Variants in MYO1E observed in about 807,000 individuals in gnomAD.
MYO1E encodes unconventional myosin-Ie.
Under a neutral mutation model 151.1 loss-of-function variants are expected in MYO1E, and 68 were observed. The observed-to-expected ratio is 0.45, with a 90% CI of 0.37 to 0.55. The LOEUF is 0.55. Among genes scored for constraint, MYO1E ranks in the 20% least tolerant of loss-of-function variants. The pLI is 0.00. For missense variants in MYO1E, 1,363 were observed against 1,389.3 expected (o/e 0.98, Z 0.30); for synonymous variants, 601 against 501.7 (o/e 1.20, Z -2.64).
chr15:59,151,049 A>G (rs12911820), intron 26 of MYO1E, among the ~76,000 whole-genome samples: 59,511 of 129,452 alleles, frequency 0.46, 11,847 homozygotes, highest in Admixed American at 0.53. Flanking sequence ...ACACACACAC[A>G]CGCGCGCGCG....
chr15:59,152,276 C>T (rs554265137), intron 26 of MYO1E, among the ~76,000 whole-genome samples: 1 of 152,248 alleles, frequency 6.6e-6, no homozygotes, highest in Admixed American at 6.5e-5. Flanking sequence ...GATGGCTGCC[C>T]CCTCAGAGGA....
chr15:59,306,238 T>C (rs1555418671), intron 1 of MYO1E, among the ~76,000 whole-genome samples: 1 of 152,262 alleles, frequency 6.6e-6, no homozygotes, highest in South Asian at 2.1e-4. Context: ...TTGTAGATTA[T>C]TACATGTACA....
At chr15:59,355,684 C>T (rs2080849040) in intron 1 of MYO1E, among the ~76,000 whole-genome samples, 1 of 150,994 alleles carries the variant, frequency 6.6e-6, no homozygotes, top group Non-Finnish European at 1.5e-5. Context: ...CATGGCAATT[C>T]TTTCGATTCC....
At chr15:59,234,283 CGGAT>C (rs1461046657) in intron 5 of MYO1E, among the ~76,000 whole-genome samples, 1 of 146,280 alleles carries the variant, frequency 6.8e-6, no homozygotes, top group Non-Finnish European at 1.5e-5. Flanking sequence ...GATGGATGCA[CGGAT>C]GGATGGATGG....
chr15:59,231,803 A>G lies in MYO1E; in HGVS notation c.421-12T>C. 6.2e-7 allele frequency: 1 copy of G among 1,613,940 alleles called. No homozygotes were observed. Among genetic ancestry groups the G allele is most frequent in the East Asian group, 2.2e-5 (1 of 44,880 alleles). On this transcript the variant is annotated splice_polypyrimidine_tract_variant and intron_variant, in intron 5 of 27. Transcript: ENST00000288235. ...ATGTCCTTCACGTGCTGTCCCAGCA[A>G]ATAGACCGGAGGTTAGGAAGGTGTG...
chr15:59,333,481 G>C, intron 1 of MYO1E, among the ~76,000 whole-genome samples: 1 of 152,262 alleles, frequency 6.6e-6, no homozygotes, highest in Admixed American at 6.5e-5. Context: ...GGGCTCAAGC[G>C]ATCCTCCTGT....
At chr15:59,212,757 C>T (rs2079887120) in intron 12 of MYO1E, 1 of 152,146 alleles carries the variant, frequency 6.6e-6, no homozygotes, top group South Asian at 2.1e-4. Context: ...AGATGAACAG[C>T]CCTGGCTAAA....
intron 1 of MYO1E, among the ~76,000 whole-genome samples, chr15:59,274,672 A>G (rs2080307829): frequency 6.6e-6 from 1 of 152,196 alleles, no homozygotes; most frequent in South Asian, 2.1e-4. Context: ...GTTTGTATTG[A>G]TCCGAAGAAA....
intron 1 of MYO1E, among the ~76,000 whole-genome samples, chr15:59,335,887 G>A (rs138585882): frequency 1.1e-4 from 17 of 152,028 alleles, no homozygotes; most frequent in Non-Finnish European, 2.4e-4. Flanking sequence ...GACTATAAGC[G>A]GTGCTGTCTG....
At position 59,136,782 on chromosome 15, in the gene MYO1E, T is replaced by A; in HGVS notation, c.*598A>T. ...CCCCAGCCCCCAGCCCCTGACCTGC[T>A]TGGCGGCCCTGATGGTCCCGGCAAA... On this transcript the variant is annotated 3_prime_UTR_variant, in exon 28 of 28. Transcript: ENST00000288235. 1 of 455,402 alleles carries A rather than the reference T, an allele frequency of 2.2e-6. No individual in the cohort carries two copies. The highest frequency in any genetic ancestry group is 1.5e-5 in the South Asian group (1 of 64,538). 28.2% of individuals were successfully genotyped at this position (455,402 alleles called of 1,614,324 possible). A position where few individuals can be genotyped will look rare whatever the true frequency, so the allele number is the denominator to read the frequency against.
intron 24 of MYO1E, among the ~76,000 whole-genome samples, chr15:59,160,708 C>T (rs996825025): frequency 6.6e-6 from 1 of 151,968 alleles, no homozygotes; most frequent in Non-Finnish European, 1.5e-5. Context: ...TGTGAGCCAC[C>T]ACGCCGGGCC....
Position 59,153,637 on chromosome 15 carries a change from C to T in MYO1E, c.3033G>A (p.Thr1011=), listed in dbSNP as rs768276081. The part of the protein sequence containing the change: ...QSTSSDRVSQ[T]PESLDFLKVP... ...CCTTGAGGAAATCCAGGCTCTCTGGCGTCTGTGACACTCGGTCTGAACTGG... is the reference window on the plus strand; with the variant it reads ...CCTTGAGGAAATCCAGGCTCTCTGGTGTCTGTGACACTCGGTCTGAACTGG... Residue 1011 remains threonine, a synonymous_variant, in exon 26 of 28, where the codon ACG becomes ACA. Coordinates refer to ENST00000288235, the MANE Select transcript of MYO1E (RefSeq NM_004998.4). The T allele has an allele frequency of 2.7e-5, 43 of 1,614,134 alleles. No homozygotes were observed. Among genetic ancestry groups the T allele is most frequent in the Admixed American group, 3.3e-5 (2 of 60,028 alleles).
At chr15:59,329,236 T>G (rs921105746) in intron 1 of MYO1E, among the ~76,000 whole-genome samples, 2 of 152,206 alleles carry the variant, frequency 1.3e-5, no homozygotes, top group Non-Finnish European at 2.9e-5. Context: ...TAAAGACTCA[T>G]GCCAAGTCCC....
At chr15:59,333,399 C>T (rs1157098550) in intron 1 of MYO1E, among the ~76,000 whole-genome samples, 6 of 152,222 alleles carry the variant, frequency 3.9e-5, no homozygotes, top group East Asian at 1.9e-4. Flanking sequence ...TCCACCACCG[C>T]GCCTGGGTAA....
intron 6 of MYO1E, 21 bp downstream of exon 6, chr15:59,231,681 T>A: frequency 6.2e-7 from 1 of 1,611,196 alleles, no homozygotes; most frequent in Non-Finnish European, 8.5e-7. Flanking sequence ...CGACACTCTC[T>A]GAAACAGGGA....
At chr15:59,217,173 C>G (rs981011913) in intron 10 of MYO1E, among the ~76,000 whole-genome samples, 6 of 152,170 alleles carry the variant, frequency 3.9e-5, no homozygotes, top group African/African-American at 1.4e-4. Context: ...AATATCTCAC[C>G]CTCAGAAACT....
intron 27 of MYO1E, among the ~76,000 whole-genome samples, 159 bp from the exon 28 acceptor site, chr15:59,137,615 T>A (rs1205929454): frequency 6.6e-6 from 1 of 152,214 alleles, no homozygotes. Context: ...GTAAGATATC[T>A]ACCAAATTAA....
Position 59,151,034 on chromosome 15 carries a change from CACACACACACACACA to C in MYO1E, c.3080+2541_3080+2555del, listed in dbSNP as rs1253054329. ...GGACACACACACACACACACACACA[CACACACACACACACA>C]CGCGCGCGCGCGCACGTGCACTTAG... On this transcript the variant is annotated intron_variant, in intron 26 of 27. Coordinates refer to ENST00000288235, the MANE Select transcript of MYO1E (RefSeq NM_004998.4). 2.2e-3 allele frequency among the ~76,000 whole-genome samples: 300 copies of C among 138,520 alleles called. 1 individual carries two copies. Among genetic ancestry groups the C allele is most frequent in the African/African-American group, 7.7e-3 (271 of 35,104 alleles). 90.9% of individuals were successfully genotyped at this position (138,520 alleles called of 152,430 possible).
At chr15:59,233,259 T>C (rs547248066) in intron 5 of MYO1E, among the ~76,000 whole-genome samples, 5 of 152,308 alleles carry the variant, frequency 3.3e-5, no homozygotes, top group African/African-American at 1.2e-4. Context: ...TATCCATTCA[T>C]CCATCCATCC....
Sources: allele counts gnomAD v4.1 joint callset (sites outside exome capture counted in the v4.1 genomes callset), GRCh38; gene constraint gnomAD v4.1.1; transcripts MANE v1.5; gene names NCBI Gene and HGNC (gene_info 2026-07-23, HGNC 2026-07-21).